The following WSCD2 variants were observed in gnomAD, a reference collection of about 807,000 sequenced individuals.
WSCD2 encodes WSC domain sialate O sulfotransferase 2.
WSCD2 carries 28 observed loss-of-function variants against 55.7 expected under a neutral mutation model. The ratio of observed to expected loss-of-function variants is 0.50; its 90% confidence interval spans 0.37 to 0.69. The LOEUF (loss-of-function observed/expected upper bound fraction) is 0.69. Among genes scored for constraint, WSCD2 ranks in the 30% least tolerant of loss-of-function variants. The pLI, the probability that WSCD2 is intolerant of heterozygous loss-of-function variation, is 0.00. For missense variants in WSCD2, 616 were observed against 762.1 expected (o/e 0.81, Z 2.26); for synonymous variants, 301 against 301.9 (o/e 1.00, Z 0.03).
At chr12:108,183,597 T>G (rs1334699766) in intron 1 of WSCD2, among the ~76,000 whole-genome samples, 1 of 152,150 alleles carries the variant, frequency 6.6e-6, no homozygotes, top group Non-Finnish European at 1.5e-5. Flanking sequence ...CCAGCAGAAC[T>G]CCTTGGGCCA....
chr12:108,189,905 A>T (rs1882948808), intron 1 of WSCD2: 1 of 152,200 alleles, frequency 6.6e-6, no homozygotes, highest in African/African-American at 2.4e-5. Flanking sequence ...AATTCCGTGA[A>T]GGAAAATAGA....
rs564653235 is a variant in WSCD2 at position 108,162,526 on chromosome 12, A to G, written c.-552+32600A>G. Among the ~76,000 whole-genome samples the G allele has an allele frequency of 3.3e-5, 5 of 152,342 alleles. No individual in the cohort carries two copies. The South Asian group carries it at 1.0e-3, about 32-fold the overall frequency. On this transcript the variant is annotated intron_variant, in intron 1 of 8. Transcript: ENST00000547525. ...CCAAGTTCTACTTCTGGGGGAAAGA[A>G]AAAAATCTATTTCTTTCTGCATCTT... is the stretch of plus-strand genomic sequence containing the variant.
intron 2 of WSCD2, 150 bp from the exon 3 acceptor site, chr12:108,206,139 G>A: frequency 3.0e-6 from 2 of 675,828 alleles, no homozygotes; most frequent in Middle Eastern, 4.0e-4. Flanking sequence ...CAAGACAAAT[G>A]ACTTTCACTC....
At chr12:108,219,287 T>C (rs1253373845) in intron 4 of WSCD2, among the ~76,000 whole-genome samples, 1 of 152,326 alleles carries the variant, frequency 6.6e-6, no homozygotes, top group Non-Finnish European at 1.5e-5. Context: ...TGTTCCCCCA[T>C]AGACAGACCC....
Position 108,226,061 on chromosome 12 carries a change from T to C in WSCD2, c.805-929T>C, listed in dbSNP as rs891018568. Among the ~76,000 whole-genome samples, 5 of 152,154 alleles carry C rather than the reference T, an allele frequency of 3.3e-5. 1 individual carries two copies. The highest frequency in any genetic ancestry group is 6.5e-5 in the Admixed American group (1 of 15,294). On this transcript the variant is annotated intron_variant, in intron 5 of 8. Transcript: ENST00000547525. ...ATGCCCCCTTGGTGTGATGGTGATA[T>C]GGGACCCACGCTTTGGGAAAAGCTG... is the stretch of plus-strand genomic sequence containing the variant.
intron 1 of WSCD2, among the ~76,000 whole-genome samples, chr12:108,191,561 A>G (rs557554275): frequency 6.6e-6 from 1 of 152,320 alleles, no homozygotes; most frequent in East Asian, 1.9e-4. Context: ...CAGTTCTCCA[A>G]GGCTGTCACC....
At chr12:108,223,827 G>A (rs1348066759) in intron 4 of WSCD2, among the ~76,000 whole-genome samples, 7 of 152,142 alleles carry the variant, frequency 4.6e-5, no homozygotes, top group Non-Finnish European at 1.0e-4. Flanking sequence ...CAAGGCCAAG[G>A]CAAGCCAGCC....
At chr12:108,209,559 G>T (rs1002879894) in intron 3 of WSCD2, among the ~76,000 whole-genome samples, 2 of 152,054 alleles carry the variant, frequency 1.3e-5, no homozygotes, top group Non-Finnish European at 2.9e-5. Context: ...ATGTGAGTAG[G>T]TGTAGAAGGG....
At chr12:108,158,881 A>G (rs986277233) in intron 1 of WSCD2, among the ~76,000 whole-genome samples, 1 of 152,074 alleles carries the variant, frequency 6.6e-6, no homozygotes, top group African/African-American at 2.4e-5. Flanking sequence ...CCCCACCCTC[A>G]TGGAACCAAC....
At chr12:108,203,287 G>A (rs748824228) in intron 2 of WSCD2, among the ~76,000 whole-genome samples, 9 of 152,152 alleles carry the variant, frequency 5.9e-5, no homozygotes, top group Admixed American at 6.5e-5. Context: ...AATAATTGGT[G>A]GTCTTCTTCC....
At chr12:108,154,508 C>T (rs1225496862) in intron 1 of WSCD2, among the ~76,000 whole-genome samples, 1 of 152,188 alleles carries the variant, frequency 6.6e-6, no homozygotes, top group Non-Finnish European at 1.5e-5. Context: ...ATAATCTCCC[C>T]TTCTTAAGAT....
intron 1 of WSCD2, among the ~76,000 whole-genome samples, chr12:108,193,874 C>T (rs1883537329): frequency 6.6e-6 from 1 of 152,154 alleles, no homozygotes; most frequent in African/African-American, 2.4e-5. Flanking sequence ...AGTATGTGCT[C>T]AGTACTTAGT....
chr12:108,195,705 C>T lies in WSCD2; in HGVS notation c.-128C>T. ...CTTCTGGCCTTGGTGATCACTTTTT[C>T]AGGAAGAGTGAGACTGAGGACCCCC... On this transcript the variant is annotated 5_prime_UTR_variant, in exon 2 of 9. Coordinates refer to ENST00000547525, the MANE Select transcript of WSCD2 (RefSeq NM_014653.4). 7.5e-7 allele frequency: 1 copy of T among 1,329,748 alleles called. No individual in the cohort carries two copies. Among genetic ancestry groups the T allele is most frequent in the Non-Finnish European group, 1.0e-6 (1 of 987,962 alleles). The allele number at this position is 1,329,748 out of a possible 1,614,324, so 82.4% of individuals were successfully genotyped here.
At chr12:108,145,502 G>A (rs73199510) in intron 1 of WSCD2, among the ~76,000 whole-genome samples, 8,146 of 152,240 alleles carry the variant, frequency 0.054, 262 homozygotes, top group Non-Finnish European at 0.076. Context: ...GTTAATAGAC[G>A]GAGTTCAAAG....
Position 108,210,752 on chromosome 12 carries a change from T to C in WSCD2, c.682+447T>C, listed in dbSNP as rs1886045879. On this transcript the variant is annotated intron_variant, in intron 4 of 8. Coordinates refer to ENST00000547525, the MANE Select transcript of WSCD2 (RefSeq NM_014653.4). The surrounding 1 kb of genome is among the most constrained non-coding windows in gnomAD (Gnocchi z 4.3). Reference sequence around the variant, plus strand: ...ATGACCCTTGACATAGGTACTATTATTTACTTATTCCCATTTTACAGATGA... The same window carrying C: ...ATGACCCTTGACATAGGTACTATTACTTACTTATTCCCATTTTACAGATGA... Among the ~76,000 whole-genome samples the C allele has an allele frequency of 6.6e-6, 1 of 152,264 alleles. No individual in the cohort carries two copies. Among genetic ancestry groups the C allele is most frequent in the Admixed American group, 6.5e-5 (1 of 15,292 alleles).
Position 108,248,958 on chromosome 12 carries a change from C to T in WSCD2, c.*615C>T, listed in dbSNP as rs150556800. 1 of 974,772 alleles carries T rather than the reference C, an allele frequency of 1.0e-6. No homozygotes were observed. The highest frequency in any genetic ancestry group is 1.2e-6 in the Non-Finnish European group (1 of 819,916). The allele number at this position is 974,772 out of a possible 1,614,324, so 60.4% of individuals were successfully genotyped here. On this transcript the variant is annotated 3_prime_UTR_variant, in exon 9 of 9. Transcript: ENST00000547525. This position sits in a 1 kb window ranked among gnomAD's most constrained non-coding sequence, Gnocchi z 4.3. Reference sequence around the variant, plus strand: ...CTCACAGTAGGTTAATTGGAGACACCATGTGGGGCCATTGGTGTTATGAGC... The same window carrying T: ...CTCACAGTAGGTTAATTGGAGACACTATGTGGGGCCATTGGTGTTATGAGC...
chr12:108,224,664 C>G, intron 4 of WSCD2, 75 bp from the exon 5 acceptor site: 1 of 1,546,714 alleles, frequency 6.5e-7, no homozygotes, highest in Non-Finnish European at 8.7e-7. Flanking sequence ...TCTGAGCTTT[C>G]TTCAGAATGT....
chr12:108,240,965 A>G (rs746528937), intron 8 of WSCD2, among the ~76,000 whole-genome samples: 3 of 152,222 alleles, frequency 2.0e-5, no homozygotes, highest in African/African-American at 7.2e-5. Context: ...TGTGACTTTC[A>G]TGGCACTGGA....
intron 5 of WSCD2, among the ~76,000 whole-genome samples, chr12:108,225,177 A>G (rs759653767): frequency 1.3e-5 from 2 of 152,266 alleles, no homozygotes; most frequent in Non-Finnish European, 2.9e-5. Context: ...TTTGAAAAAA[A>G]GAGATTTAAT....
Sources: gnomAD v4.1 joint callset for allele counts (sites outside exome capture counted in the v4.1 genomes callset) on GRCh38, gnomAD v4.1.1 for gene constraint, Gnocchi (gnomAD v3.1) non-coding constraint, MANE v1.5 for transcripts, NCBI Gene and HGNC (gene_info 2026-07-23, HGNC 2026-07-21) for gene names.